The following CDH13 variants were observed in gnomAD, a reference collection of about 807,000 sequenced individuals.
CDH13 encodes cadherin 13, also known as cadherin-13.
Under a neutral mutation model 63.8 loss-of-function variants are expected in CDH13, and 24 were observed. The observed-to-expected ratio is 0.38, with a 90% CI of 0.27 to 0.53. The LOEUF (loss-of-function observed/expected upper bound fraction) is 0.53. CDH13 is among the 20% of genes least tolerant of loss of function. The pLI is 0.85. For missense variants in CDH13, 1,049 were observed against 903.1 expected (o/e 1.16, Z -2.07); for synonymous variants, 503 against 355.3 (o/e 1.42, Z -4.67).
At chr16:82,664,822 A>T (rs1231739677) in intron 1 of CDH13, among the ~76,000 whole-genome samples, 1 of 152,180 alleles carries the variant, frequency 6.6e-6, no homozygotes, top group Non-Finnish European at 1.5e-5. Flanking sequence ...GTATTTTTGA[A>T]TATATTTGAT....
chr16:82,704,711 C>G (rs148905444), intron 1 of CDH13, among the ~76,000 whole-genome samples: 1 of 152,138 alleles, frequency 6.6e-6, no homozygotes, highest in South Asian at 2.1e-4. Context: ...AAGGATATGC[C>G]GTCAAATAGC....
intron 6 of CDH13, 39 bp from the exon 7 acceptor site, chr16:83,486,438 T>A: frequency 6.3e-7 from 1 of 1,586,018 alleles, no homozygotes. Context: ...TGTTGACCCA[T>A]TGATAACCAT....
intron 2 of CDH13, among the ~76,000 whole-genome samples, chr16:82,894,466 A>G (rs1388197743): frequency 6.6e-6 from 1 of 152,086 alleles, no homozygotes; most frequent in African/African-American, 2.4e-5. Context: ...AAATGGTGAA[A>G]CGTCATCTCT....
chr16:83,137,542 C>G (rs765728391), intron 4 of CDH13, among the ~76,000 whole-genome samples: 7 of 152,192 alleles, frequency 4.6e-5, no homozygotes, highest in Non-Finnish European at 1.0e-4. Context: ...CAAGAAAAGC[C>G]ACTGCCTCGC....
chr16:83,507,110 C>G (rs937945960), intron 7 of CDH13, among the ~76,000 whole-genome samples: 5 of 152,214 alleles, frequency 3.3e-5, no homozygotes, highest in South Asian at 2.1e-4. Flanking sequence ...ACCCCCCAAA[C>G]CTGGTGTGAG....
At chr16:83,388,933 T>C (rs1240968312) in intron 6 of CDH13, among the ~76,000 whole-genome samples, 1 of 152,182 alleles carries the variant, frequency 6.6e-6, no homozygotes, top group African/African-American at 2.4e-5. Context: ...AGCGTTGGTC[T>C]AAAGCACAAT....
chr16:82,716,444 A>G (rs996628395), intron 1 of CDH13, among the ~76,000 whole-genome samples: 3 of 151,874 alleles, frequency 2.0e-5, no homozygotes, highest in Non-Finnish European at 4.4e-5. Flanking sequence ...TGCTAAATTT[A>G]GATAAGTCAC....
chr16:83,222,418 C>T (rs185231004), intron 5 of CDH13, among the ~76,000 whole-genome samples: 17 of 152,254 alleles, frequency 1.1e-4, no homozygotes, highest in South Asian at 2.1e-4. Flanking sequence ...AAGCTGCTGC[C>T]GTCATGCGGA....
At chr16:82,735,858 A>G (rs7189724) in intron 1 of CDH13, among the ~76,000 whole-genome samples, 83,165 of 152,058 alleles carry the variant, frequency 0.55, 22,992 homozygotes, top group East Asian at 0.67. Context: ...GCCAGCCAAT[A>G]GAATCTAATG....
chr16:82,868,963 T>C (rs1444340027), intron 2 of CDH13, among the ~76,000 whole-genome samples: 1 of 152,184 alleles, frequency 6.6e-6, no homozygotes, highest in African/African-American at 2.4e-5. Context: ...ATCTGGAAAA[T>C]TAATATTATA....
chr16:83,782,525 C>A (rs1369556742), intron 12 of CDH13, among the ~76,000 whole-genome samples: 1 of 152,106 alleles, frequency 6.6e-6, no homozygotes, highest in Non-Finnish European at 1.5e-5. Context: ...CACCTGAGGT[C>A]AGGAGTTTGA....
chr16:83,697,900 G>A (rs753375671), intron 10 of CDH13, among the ~76,000 whole-genome samples: 15 of 152,154 alleles, frequency 9.9e-5, no homozygotes, highest in South Asian at 6.2e-4. Context: ...GCCCCGCCTC[G>A]GCCTCCCAAA....
intron 8 of CDH13, among the ~76,000 whole-genome samples, chr16:83,618,081 G>A (rs768848453): frequency 6.6e-6 from 1 of 152,154 alleles, no homozygotes; most frequent in Non-Finnish European, 1.5e-5. Context: ...ATGAATAAAT[G>A]GTCGATGCTT....
chr16:82,628,247 G>C (rs1461167223), intron 1 of CDH13, among the ~76,000 whole-genome samples: 1 of 151,828 alleles, frequency 6.6e-6, no homozygotes, highest in Non-Finnish European at 1.5e-5. Flanking sequence ...CAAGTGGGTG[G>C]ATAAGAGCCA....
intron 7 of CDH13, among the ~76,000 whole-genome samples, chr16:83,532,937 C>G (rs2075112100): frequency 1.3e-5 from 2 of 152,212 alleles, no homozygotes; most frequent in African/African-American, 4.8e-5. Flanking sequence ...TTGTTAGTTC[C>G]CAGTCCTTCA....
chr16:82,759,663 G>C (rs921845580), intron 1 of CDH13, among the ~76,000 whole-genome samples: 3 of 151,636 alleles, frequency 2.0e-5, no homozygotes, highest in African/African-American at 4.8e-5. Flanking sequence ...TTGATATTTT[G>C]CCTTAACAAG....
chr16:83,416,569 C>T (rs563717984), intron 6 of CDH13, among the ~76,000 whole-genome samples: 3 of 152,284 alleles, frequency 2.0e-5, no homozygotes, highest in East Asian at 1.9e-4. Context: ...GCCCACAGGT[C>T]GAGCTATGAC....
At chr16:83,133,756 C>T (rs190215603) in intron 4 of CDH13, among the ~76,000 whole-genome samples, 6 of 152,182 alleles carry the variant, frequency 3.9e-5, no homozygotes, top group Non-Finnish European at 7.4e-5. Context: ...GCCTCGGCTG[C>T]CCAAAGTGCT....
intron 2 of CDH13, among the ~76,000 whole-genome samples, chr16:82,879,673 T>G (rs1204466897): frequency 7.2e-6 from 1 of 139,218 alleles, no homozygotes; most frequent in African/African-American, 2.6e-5. Flanking sequence ...ATATTTTACA[T>G]AAATTATAAT....
Sources: gnomAD v4.1 joint callset for allele counts (sites outside exome capture counted in the v4.1 genomes callset) on GRCh38, gnomAD v4.1.1 for gene constraint, MANE v1.5 for transcripts, NCBI Gene and HGNC (gene_info 2026-07-23, HGNC 2026-07-21) for gene names.